KCNIP4: variants seen among roughly 807,000 people sequenced by gnomAD.
The protein encoded by KCNIP4 is Kv channel-interacting protein 4.
A neutral mutation model predicts 34.0 loss-of-function variants in KCNIP4; 12 were observed. The observed-to-expected ratio is 0.35, with a 90% CI of 0.23 to 0.57. The LOEUF is 0.57. Ranked by LOEUF, KCNIP4 falls within the 20% of genes least tolerant of loss-of-function variation. The pLI is 0.83. For synonymous variants in KCNIP4, 124 were observed against 102.2 expected, an observed-to-expected ratio of 1.21 and a Z score of -1.29; for missense variants, 238 against 311.7, an observed-to-expected ratio of 0.76 and a Z score of 1.78.
intron 1 of KCNIP4, among the ~76,000 whole-genome samples, chr4:21,559,101 A>G (rs1214118154): frequency 6.6e-6 from 1 of 152,114 alleles, no homozygotes; most frequent in Admixed American, 6.6e-5. Context: ...TCTAAGCCTC[A>G]GTTTTTTCAA....
intron 1 of KCNIP4, among the ~76,000 whole-genome samples, chr4:21,045,935 G>A (rs1246708528): frequency 2.0e-5 from 3 of 152,150 alleles, no homozygotes; most frequent in Non-Finnish European, 4.4e-5. Context: ...TTTGTGCTAT[G>A]AGACATTAAT....
intron 1 of KCNIP4, among the ~76,000 whole-genome samples, chr4:21,489,439 A>T (rs1422690464): frequency 6.6e-6 from 1 of 152,112 alleles, no homozygotes; most frequent in Admixed American, 6.6e-5. Flanking sequence ...TTATTGCTGC[A>T]ATCATAGGTA....
intron 1 of KCNIP4, among the ~76,000 whole-genome samples, chr4:21,347,897 A>G (rs978852653): frequency 4.6e-5 from 7 of 152,194 alleles, no homozygotes; most frequent in African/African-American, 7.2e-5. Context: ...TGCTTGTTCC[A>G]TCTACATGAT....
chr4:21,686,227 C>T (rs201170772), intron 1 of KCNIP4, among the ~76,000 whole-genome samples: 2 of 151,998 alleles, frequency 1.3e-5, no homozygotes, highest in African/African-American at 4.8e-5. Flanking sequence ...ATATTGAGCT[C>T]GGAAGATTTA....
intron 1 of KCNIP4, among the ~76,000 whole-genome samples, chr4:21,169,660 T>TTGCGTGTGTG (rs769666168): frequency 0.013 from 1,767 of 136,276 alleles, 75 homozygotes; most frequent in African/African-American, 0.039. Context: ...TACTTTATAT[T>TTGCGTGTGTG]TGTGTGTGTG....
At chr4:21,616,909 T>G (rs747510407) in intron 1 of KCNIP4, among the ~76,000 whole-genome samples, 1 of 152,202 alleles carries the variant, frequency 6.6e-6, no homozygotes, top group Non-Finnish European at 1.5e-5. Flanking sequence ...TGTCAGGACT[T>G]CAACATATCT....
chr4:21,443,143 C>A (rs529509327), intron 1 of KCNIP4, among the ~76,000 whole-genome samples: 1 of 152,314 alleles, frequency 6.6e-6, no homozygotes, highest in East Asian at 1.9e-4. Flanking sequence ...ACCCCACTCT[C>A]TCTAATCTGT....
chr4:21,215,744 A>T (rs1231381784), intron 1 of KCNIP4, among the ~76,000 whole-genome samples: 1 of 152,248 alleles, frequency 6.6e-6, no homozygotes, highest in African/African-American at 2.4e-5. Flanking sequence ...TAGGAAATAC[A>T]TAAAAGTAAA....
At chr4:21,457,051 GA>G (rs978208381) in intron 1 of KCNIP4, among the ~76,000 whole-genome samples, 1 of 151,454 alleles carries the variant, frequency 6.6e-6, no homozygotes, top group African/African-American at 2.4e-5. Flanking sequence ...TTCAGTTGTG[GA>G]AAAAAAACAT....
At chr4:21,445,134 C>G (rs1476437040) in intron 1 of KCNIP4, among the ~76,000 whole-genome samples, 1 of 152,144 alleles carries the variant, frequency 6.6e-6, no homozygotes, top group Non-Finnish European at 1.5e-5. Context: ...AGGATACAAA[C>G]AAATGGAAGA....
intron 1 of KCNIP4, among the ~76,000 whole-genome samples, chr4:21,656,096 G>A (rs561110264): frequency 6.6e-6 from 1 of 152,312 alleles, no homozygotes; most frequent in East Asian, 1.9e-4. Flanking sequence ...CAAGATCAAA[G>A]CATCAGCAGG....
intron 1 of KCNIP4, among the ~76,000 whole-genome samples, chr4:21,223,718 T>A (rs1758148505): frequency 6.6e-6 from 1 of 152,238 alleles, no homozygotes; most frequent in Non-Finnish European, 1.5e-5. Context: ...AATTCTTTAA[T>A]TTACCAATGC....
Position 21,178,505 on chromosome 4 carries a change from CATG to C in KCNIP4, c.62-295799_62-295797del, listed in dbSNP as rs1754603537. On this transcript the variant is annotated intron_variant, in intron 1 of 8. Transcript: ENST00000382152. The stretch of plus-strand genomic sequence containing the variant: ...TCAGTTTATTTCCAGGTATAGTAAC[CATG>C]TGTCCAGGATAGTTATTTAAGTCCC... Among the ~76,000 whole-genome samples, 942 of 150,178 alleles carry C rather than the reference CATG, an allele frequency of 6.3e-3. 25 individuals carry two copies. The highest frequency in any genetic ancestry group is 0.022 in the African/African-American group (857 of 39,656).
At chr4:20,865,631 T>A (rs1722802168) in intron 2 of KCNIP4, among the ~76,000 whole-genome samples, 1 of 152,004 alleles carries the variant, frequency 6.6e-6, no homozygotes, top group South Asian at 2.1e-4. Context: ...TATTGCATGA[T>A]GTCATTTACA....
chr4:20,948,603 C>A (rs990967177), intron 1 of KCNIP4, among the ~76,000 whole-genome samples: 2 of 152,216 alleles, frequency 1.3e-5, no homozygotes, highest in Admixed American at 6.5e-5. Flanking sequence ...TGCAGCTTTG[C>A]TTAAGCACAC....
chr4:21,573,323 A>G (rs190925144), intron 1 of KCNIP4, among the ~76,000 whole-genome samples: 8 of 152,268 alleles, frequency 5.3e-5, no homozygotes, highest in Admixed American at 5.2e-4. Flanking sequence ...ACTGAGGGAA[A>G]CTGAGTTTCT....
intron 1 of KCNIP4, among the ~76,000 whole-genome samples, chr4:20,964,424 T>C (rs10428521): frequency 0.072 from 10,973 of 152,250 alleles, 1,283 homozygotes; most frequent in African/African-American, 0.25. Context: ...TCTTTATGGG[T>C]GCAATCCACA....
At position 21,884,369 on chromosome 4, in the gene KCNIP4, G is replaced by A. The variant is rs181783135; in HGVS notation, c.61+64202C>T. Among the ~76,000 whole-genome samples the A allele has an allele frequency of 5.6e-3, 858 of 152,144 alleles. 5 individuals are homozygous for A. The highest frequency in any genetic ancestry group is 9.7e-3 in the Non-Finnish European group (658 of 68,002). On this transcript the variant is annotated intron_variant, in intron 1 of 8. Coordinates refer to ENST00000382152, the MANE Select transcript of KCNIP4 (RefSeq NM_025221.6). ...ACCAACCTCAGGAGGAGCACTTCCA[G>A]ACAAGAAAGTACAATGGAGCCGTTG...
intron 1 of KCNIP4, among the ~76,000 whole-genome samples, chr4:20,968,482 G>A (rs1436576130): frequency 3.3e-5 from 5 of 152,122 alleles, no homozygotes; most frequent in South Asian, 4.1e-4. Flanking sequence ...GCACACATAT[G>A]TTTATTGCAG....
Sources: allele counts gnomAD v4.1 joint callset (sites outside exome capture counted in the v4.1 genomes callset), GRCh38; gene constraint gnomAD v4.1.1; transcripts MANE v1.5; gene names NCBI Gene and HGNC (gene_info 2026-07-23, HGNC 2026-07-21).